SCAI: variants seen among roughly 807,000 people sequenced by gnomAD.
The protein encoded by SCAI is suppressor of cancer cell invasion, also known as protein SCAI.
SCAI carries 24 observed loss-of-function variants against 92.2 expected under a neutral mutation model. That is an observed-to-expected ratio of 0.26 (90% CI 0.19 to 0.37). The LOEUF (loss-of-function observed/expected upper bound fraction) is 0.37, where lower values mean the gene tolerates loss of function less well. SCAI is among the 10% of genes least tolerant of loss of function. SCAI has a pLI of 1.00. For synonymous variants in SCAI, 261 were observed against 258.6 expected (o/e 1.01, Z -0.09); for missense variants, 450 against 736.2 (o/e 0.61, Z 4.50).
chr9:125,102,174 A>G (rs1344542378), intron 2 of SCAI, among the ~76,000 whole-genome samples: 1 of 152,208 alleles, frequency 6.6e-6, no homozygotes, highest in Admixed American at 6.5e-5. Context: ...GTCCCAAGGG[A>G]CAAAATCACT....
At position 124,950,231 on chromosome 9, in the gene SCAI, G is replaced by A. The variant is rs896908851; in HGVS notation, c.*2576C>T. ...TAGTTCTCTTGGTGGTTGGAGTGGG[G>A]AAATCAATATTTTTGGAACCAAGAG... On this transcript the variant is annotated 3_prime_UTR_variant, in exon 18 of 18. Transcript: ENST00000336505. 6.6e-6 allele frequency: 1 copy of A among 152,002 alleles called. No homozygotes were observed. The highest frequency in any genetic ancestry group is 1.5e-5 in the Non-Finnish European group (1 of 67,984). 9.4% of individuals were successfully genotyped at this position (152,002 alleles called of 1,614,324 possible).
At chr9:125,057,930 C>T (rs112228716) in intron 2 of SCAI, among the ~76,000 whole-genome samples, 1 of 151,596 alleles carries the variant, frequency 6.6e-6, no homozygotes, top group African/African-American at 2.4e-5. Context: ...CTTGTCTCTA[C>T]AAAAAATGTA....
At chr9:125,043,013 T>C (rs1833358757) in intron 3 of SCAI, among the ~76,000 whole-genome samples, 2 of 151,524 alleles carry the variant, frequency 1.3e-5, no homozygotes, top group Admixed American at 1.3e-4. Context: ...TTATGGGCAT[T>C]TGCCACCATG....
intron 11 of SCAI, among the ~76,000 whole-genome samples, chr9:125,002,754 G>A (rs111950364): frequency 2.9e-4 from 44 of 151,798 alleles, no homozygotes; most frequent in African/African-American, 9.9e-4. Context: ...AAAGTGCTGG[G>A]ATTACAGGAG....
At chr9:125,095,121 G>A (rs574878270) in intron 2 of SCAI, among the ~76,000 whole-genome samples, 2 of 152,228 alleles carry the variant, frequency 1.3e-5, no homozygotes, top group South Asian at 4.2e-4. Context: ...CCAAGGTCAT[G>A]TGCTTCCCAA....
intron 2 of SCAI, among the ~76,000 whole-genome samples, chr9:125,082,135 C>T (rs981073065): frequency 6.6e-6 from 1 of 152,308 alleles, no homozygotes; most frequent in African/African-American, 2.4e-5. Flanking sequence ...CCCAGGGTCG[C>T]CATGCCATGT....
intron 9 of SCAI, among the ~76,000 whole-genome samples, chr9:125,005,079 C>T (rs563985536): frequency 4.7e-4 from 71 of 151,720 alleles, no homozygotes; most frequent in African/African-American, 1.6e-3. Flanking sequence ...TGAGCTACCG[C>T]GCCCAGCCTA....
Position 125,018,923 on chromosome 9 carries a change from T to C in SCAI, c.737A>G (p.Asp246Gly). The C allele has an allele frequency of 1.2e-6, 2 of 1,613,810 alleles. No homozygotes were observed. Among genetic ancestry groups the C allele is most frequent in the Non-Finnish European group, 1.7e-6 (2 of 1,179,844 alleles). Residue 246 changes from aspartate to glycine, a missense_variant, in exon 9 of 18, where the codon GAT becomes GGT. By Grantham distance (94) the Asp-to-Gly change is moderately conservative (BLOSUM62 -1). Around this residue, in one of 3 missense-constraint regions of SCAI, gnomAD observed 360 missense variants for 601.8 expected, o/e 0.60. Coordinates refer to ENST00000336505, the MANE Select transcript of SCAI (RefSeq NM_001144877.3). ...EADPVMVLND[D>G]NTIVITSNRL... is the part of the protein sequence containing the mutation. ...ATTCGATGTGATAACAATGGTATTA[T>C]CATCATTTAATACCATTACAGGATC...
chr9:124,964,728 G>C (rs905718621), intron 17 of SCAI, among the ~76,000 whole-genome samples: 2 of 152,192 alleles, frequency 1.3e-5, no homozygotes, highest in Non-Finnish European at 1.5e-5. Context: ...AACTTTAAAA[G>C]GTAGTCCCTT....
chr9:125,008,658 C>T (rs1832566202), intron 9 of SCAI, among the ~76,000 whole-genome samples: 1 of 151,984 alleles, frequency 6.6e-6, no homozygotes, highest in Admixed American at 6.6e-5. Flanking sequence ...TAACTTAAAC[C>T]TAGAGAGGAA....
chr9:125,107,352 T>G (rs180745854), intron 2 of SCAI, among the ~76,000 whole-genome samples: 1 of 145,964 alleles, frequency 6.9e-6, no homozygotes, highest in African/African-American at 2.6e-5. Context: ...GAGGTTGCAG[T>G]GAGCCGAGAT....
intron 2 of SCAI, among the ~76,000 whole-genome samples, chr9:125,093,848 G>A (rs1174597703): frequency 6.6e-6 from 1 of 152,078 alleles, no homozygotes; most frequent in African/African-American, 2.4e-5. Flanking sequence ...ACAGGCGTGA[G>A]CCACCGTGCC....
chr9:125,009,500 C>T (rs542259874), intron 9 of SCAI, among the ~76,000 whole-genome samples: 37 of 151,926 alleles, frequency 2.4e-4, no homozygotes, highest in Non-Finnish European at 4.6e-4. Context: ...GAACTCCTGA[C>T]CCTCAGGCGA....
At position 125,139,212 on chromosome 9, in the gene SCAI, C is replaced by T. The variant is rs11788622; in HGVS notation, c.98+3421G>A. Among the ~76,000 whole-genome samples, 980 of 152,276 alleles carry T rather than the reference C, an allele frequency of 6.4e-3. 7 individuals are homozygous for T. Among genetic ancestry groups the T allele is most frequent in the South Asian group, 0.016 (76 of 4,820 alleles). On this transcript the variant is annotated intron_variant, in intron 2 of 17. Transcript: ENST00000336505. ...CAGATAGCTTAAGCCCAGGAGTTCA[C>T]GACCAGCCTGAGCAACATGGTAAAA...
chr9:124,987,779 T>TG (rs1832027754), intron 14 of SCAI, among the ~76,000 whole-genome samples: 1 of 151,988 alleles, frequency 6.6e-6, no homozygotes, highest in African/African-American at 2.4e-5. Flanking sequence ...CTGGCCAACA[T>TG]GGGGAAACCC....
At chr9:125,078,028 A>AT (rs916856496) in intron 2 of SCAI, among the ~76,000 whole-genome samples, 6 of 151,142 alleles carry the variant, frequency 4.0e-5, no homozygotes, top group Non-Finnish European at 8.8e-5. Context: ...CCTTTGGTGT[A>AT]TTTTTTTAAT....
At chr9:125,086,173 C>A (rs1834322327) in intron 2 of SCAI, among the ~76,000 whole-genome samples, 1 of 152,178 alleles carries the variant, frequency 6.6e-6, no homozygotes, top group Non-Finnish European at 1.5e-5. Context: ...TCGTCATCCC[C>A]TTCCTAAATT....
intron 17 of SCAI, among the ~76,000 whole-genome samples, chr9:124,970,240 C>T (rs563538543): frequency 2.0e-5 from 3 of 152,262 alleles, no homozygotes; most frequent in African/African-American, 4.8e-5. Flanking sequence ...TAGTCAAACA[C>T]TGCCTAGTGT....
At position 125,024,917 on chromosome 9, in the gene SCAI, C is replaced by A. The variant is rs554290918; in HGVS notation, c.512+1895G>T. ...GTCTATGCTTAGTGACAGACACTAACCTTGAGGTTGCTGGAACAAACTACT... is the reference window on the plus strand; with the variant it reads ...GTCTATGCTTAGTGACAGACACTAAACTTGAGGTTGCTGGAACAAACTACT... On this transcript the variant is annotated intron_variant, in intron 6 of 17. Coordinates refer to ENST00000336505, the MANE Select transcript of SCAI (RefSeq NM_001144877.3). Among the ~76,000 whole-genome samples, 5 of 152,286 alleles carry A rather than the reference C, an allele frequency of 3.3e-5. No homozygotes were observed. The South Asian group carries it at 1.0e-3, about 32-fold the overall frequency.
Sources: gnomAD v4.1 joint callset for allele counts (sites outside exome capture counted in the v4.1 genomes callset) on GRCh38, gnomAD v4.1.1 for gene constraint, gnomAD v4.1.1 regional missense constraint, MANE v1.5 for transcripts, NCBI Gene and HGNC (gene_info 2026-07-23, HGNC 2026-07-21) for gene names.